Variants in MAF observed in about 807,000 individuals in gnomAD.
MAF encodes MAF bZIP transcription factor.
MAF carries 10 observed loss-of-function variants against 22.0 expected under a neutral mutation model. The ratio of observed to expected loss-of-function variants is 0.45; its 90% CI spans 0.28 to 0.77. MAF has a LOEUF of 0.77. Ranked by LOEUF, MAF falls within the 30% of genes least tolerant of loss-of-function variation. The pLI, the probability that MAF is intolerant of heterozygous loss-of-function variation, is 0.12. For missense variants in MAF, 544 were observed against 548.4 expected (o/e 0.99, Z 0.08); for synonymous variants, 337 against 255.8 (o/e 1.32, Z -3.03).
At chr16:79,422,580 C>G in the MAF span, among the ~76,000 whole-genome samples, 2 of 152,112 alleles carry the variant, frequency 1.3e-5, no homozygotes, top group East Asian at 3.9e-4. Context: ...TGGGGTTTAG[C>G]AGAGAGTAAG....
At chr16:79,222,412 T>C in the MAF span, among the ~76,000 whole-genome samples, 1 of 152,162 alleles carries the variant, frequency 6.6e-6, no homozygotes, top group Non-Finnish European at 1.5e-5. Flanking sequence ...ATCAACACTA[T>C]GAAGAAACTG....
At chr16:79,235,382 A>G in the MAF span, among the ~76,000 whole-genome samples, 1 of 151,934 alleles carries the variant, frequency 6.6e-6, no homozygotes, top group African/African-American at 2.4e-5. Flanking sequence ...TCAAGATACC[A>G]TCCCTAGAAA....
the MAF span, among the ~76,000 whole-genome samples, chr16:79,525,053 G>A: frequency 6.6e-6 from 1 of 152,082 alleles, no homozygotes; most frequent in Admixed American, 6.6e-5. Flanking sequence ...CCCAGCCAGT[G>A]ACAAAATATG....
the MAF span, chr16:79,212,848 T>A: frequency 6.6e-6 from 1 of 152,256 alleles, no homozygotes; most frequent in Non-Finnish European, 1.5e-5. Flanking sequence ...TTTTGTGCTT[T>A]GTGGCTGTCC....
the MAF span, among the ~76,000 whole-genome samples, chr16:79,422,774 C>T: frequency 2.8e-4 from 43 of 152,134 alleles, no homozygotes; most frequent in African/African-American, 5.5e-4. Flanking sequence ...TATGTTGGTG[C>T]GAAAGTAATT....
chr16:79,283,420 T>C, the MAF span, among the ~76,000 whole-genome samples: 1 of 152,204 alleles, frequency 6.6e-6, no homozygotes, highest in Admixed American at 6.5e-5. Flanking sequence ...GTTCTCCTCA[T>C]TCTAGAGCAG....
At chr16:79,320,967 G>A in the MAF span, among the ~76,000 whole-genome samples, 1 of 152,196 alleles carries the variant, frequency 6.6e-6, no homozygotes, top group South Asian at 2.1e-4. Context: ...GATGGGATTT[G>A]AACCCAGTCC....
At chr16:79,538,491 G>T in the MAF span, among the ~76,000 whole-genome samples, 5 of 152,176 alleles carry the variant, frequency 3.3e-5, no homozygotes, top group Non-Finnish European at 5.9e-5. Context: ...GATGCTTATG[G>T]AATCTTTTCA....
the MAF span, among the ~76,000 whole-genome samples, chr16:79,560,421 G>GAA: frequency 2.1e-5 from 3 of 141,994 alleles, no homozygotes; most frequent in Non-Finnish European, 3.1e-5. Flanking sequence ...AAAGCAAGCT[G>GAA]AAAAAAAAAA....
the MAF span, among the ~76,000 whole-genome samples, chr16:79,536,143 T>C: frequency 6.6e-6 from 1 of 152,236 alleles, no homozygotes; most frequent in Non-Finnish European, 1.5e-5. Flanking sequence ...ATGATATAGA[T>C]ATAAGGCGGT....
the MAF span, among the ~76,000 whole-genome samples, chr16:79,478,745 T>A: frequency 3.9e-5 from 6 of 152,094 alleles, no homozygotes; most frequent in African/African-American, 1.4e-4. Flanking sequence ...CATACCTGGA[T>A]GTCATCCTAG....
chr16:79,255,965 C>CTTT, the MAF span, among the ~76,000 whole-genome samples: 1 of 137,912 alleles, frequency 7.3e-6, no homozygotes, highest in African/African-American at 2.7e-5. Context: ...CTTTTCTTTT[C>CTTT]TTTTTTCTTT....
chr16:79,350,639 G>C, the MAF span, among the ~76,000 whole-genome samples: 1 of 152,284 alleles, frequency 6.6e-6, no homozygotes, highest in East Asian at 1.9e-4. Flanking sequence ...GCCAACAGTG[G>C]GCTGGAGAGG....
At chr16:79,597,297 A>G (rs1052265830) in intron 1 of MAF, 6 of 1,043,004 alleles carry the variant, frequency 5.8e-6, no homozygotes, top group African/African-American at 1.7e-5. Context: ...TATAAAAACT[A>G]GAATTAAATT....
At chr16:79,404,571 G>A in the MAF span, among the ~76,000 whole-genome samples, 1 of 151,988 alleles carries the variant, frequency 6.6e-6, no homozygotes, top group Admixed American at 6.6e-5. Flanking sequence ...TACCGCATGG[G>A]GTGCCGCAGA....
the MAF span, among the ~76,000 whole-genome samples, chr16:79,469,646 G>C: frequency 0.013 from 2,025 of 151,804 alleles, 42 homozygotes; most frequent in African/African-American, 0.046. Flanking sequence ...GCCCAGACTG[G>C]AGTGCAGTGG....
At chr16:79,390,597 C>A in the MAF span, among the ~76,000 whole-genome samples, 5 of 152,188 alleles carry the variant, frequency 3.3e-5, no homozygotes, top group South Asian at 1.0e-3. Flanking sequence ...TATGAAAAAC[C>A]CGGCTTGGAG....
the MAF span, among the ~76,000 whole-genome samples, chr16:79,244,934 T>C: frequency 6.6e-6 from 1 of 152,064 alleles, no homozygotes; most frequent in Non-Finnish European, 1.5e-5. Context: ...CCATCTGATC[T>C]TTTACAAACC....
chr16:79,254,288 AGT>A, the MAF span, among the ~76,000 whole-genome samples: 4 of 152,044 alleles, frequency 2.6e-5, no homozygotes, highest in Non-Finnish European at 5.9e-5. Flanking sequence ...TATATGTAGT[AGT>A]GTATGCTGAT....
Sources: allele counts gnomAD v4.1 joint callset (sites outside exome capture counted in the v4.1 genomes callset), GRCh38; gene constraint gnomAD v4.1.1; transcripts MANE v1.5; gene names NCBI Gene and HGNC (gene_info 2026-07-23, HGNC 2026-07-21).